The following EYS variants were observed in gnomAD, a reference collection of about 807,000 sequenced individuals.
EYS encodes protein eyes shut homolog.
In EYS, 250 loss-of-function variants were observed where a neutral mutation model predicts 282.1. The observed-to-expected ratio is 0.89, with a 90% confidence interval of 0.80 to 0.98. EYS has a LOEUF of 0.98. Among genes scored for constraint, EYS ranks in the 50% least tolerant of loss-of-function variants. The probability of loss-of-function intolerance (pLI) is 0.00; values close to 1 mark genes in which losing one functional copy is unlikely to be tolerated. For synonymous variants in EYS, 1,355 were observed against 1,282.9 expected (o/e 1.06, Z -1.20); for missense variants, 4,016 against 3,709.0 (o/e 1.08, Z -2.15).
chr6:64,182,611 A>G (rs528294065), intron 31 of EYS, among the ~76,000 whole-genome samples: 1 of 152,262 alleles, frequency 6.6e-6, no homozygotes, highest in Non-Finnish European at 1.5e-5. Flanking sequence ...TACCTCAGTA[A>G]TCCACTACCA....
chr6:65,419,900 C>G (rs534231305), intron 5 of EYS, among the ~76,000 whole-genome samples: 5 of 151,898 alleles, frequency 3.3e-5, no homozygotes, highest in Non-Finnish European at 7.4e-5. Context: ...TATGTTTACA[C>G]TATATTATAA....
chr6:64,659,824 C>A (rs10944675), intron 22 of EYS, among the ~76,000 whole-genome samples: 97,145 of 151,814 alleles, frequency 0.64, 31,313 homozygotes, highest in African/African-American at 0.71. Context: ...GGAGCTGGTA[C>A]CATTCCTTCC....
At position 64,107,287 on chromosome 6, in the gene EYS, A is replaced by T. The variant is rs1243206864; in HGVS notation, c.6425-25285T>A. Among the ~76,000 whole-genome samples the T allele has an allele frequency of 2.1e-3, 124 of 59,636 alleles. 1 individual carries two copies. Among genetic ancestry groups the T allele is most frequent in the South Asian group, 0.015 (23 of 1,512 alleles). The allele number at this position is 59,636 out of a possible 152,430, so 39.1% of individuals were successfully genotyped here. On this transcript the variant is annotated intron_variant, in intron 31 of 42. Coordinates refer to ENST00000503581, the MANE Select transcript of EYS (RefSeq NM_001142800.2). ...TGTGTGTGTGTATATATATATATTT[A>T]TATATATATATATATATATATATAT...
chr6:65,613,189 C>T (rs544606159), intron 2 of EYS, among the ~76,000 whole-genome samples: 2 of 151,862 alleles, frequency 1.3e-5, no homozygotes, highest in African/African-American at 4.8e-5. Flanking sequence ...TGCAAAATCA[C>T]ATTATTTAGT....
intron 31 of EYS, among the ~76,000 whole-genome samples, chr6:64,209,291 G>T (rs1765695150): frequency 6.6e-6 from 1 of 152,050 alleles, no homozygotes; most frequent in Non-Finnish European, 1.5e-5. Flanking sequence ...ATAGCACAAG[G>T]TTAATATTTC....
In EYS at chr6:64,470,214, C is replaced by T. The variant is rs191791868; in HGVS notation, c.5645-30862G>A. ...TCTTTGTCTTGTGTCTTTATTTCTA[C>T]GCTCTCTTGTCTCCACACACAGCGA... On this transcript the variant is annotated intron_variant, in intron 26 of 42. Transcript: ENST00000503581. 5.5e-4 allele frequency among the ~76,000 whole-genome samples: 84 copies of T among 152,246 alleles called. 1 individual carries two copies. The highest frequency in any genetic ancestry group is 1.8e-3 in the African/African-American group (73 of 41,540).
intron 22 of EYS, among the ~76,000 whole-genome samples, chr6:64,664,237 G>A (rs1291173671): frequency 2.0e-5 from 3 of 152,160 alleles, no homozygotes; most frequent in African/African-American, 7.2e-5. Context: ...TAATGGCTGG[G>A]GTTTATATCC....
chr6:65,216,395 TAA>T (rs1308724811), intron 12 of EYS, among the ~76,000 whole-genome samples: 3 of 152,012 alleles, frequency 2.0e-5, no homozygotes, highest in African/African-American at 7.2e-5. Context: ...GAAATATGAA[TAA>T]GTTTATAATC....
chr6:63,961,886 T>C (rs1414575577), intron 35 of EYS, among the ~76,000 whole-genome samples: 1 of 152,230 alleles, frequency 6.6e-6, no homozygotes, highest in African/African-American at 2.4e-5. Flanking sequence ...GTATATTCTC[T>C]TAATTTTCTT....
chr6:64,956,942 T>G (rs916560668), intron 14 of EYS, among the ~76,000 whole-genome samples: 6 of 152,018 alleles, frequency 3.9e-5, no homozygotes, highest in African/African-American at 1.4e-4. Flanking sequence ...GGTGAAGATG[T>G]GGAGAAAAGG....
chr6:65,231,449 G>T (rs961876845), intron 12 of EYS, among the ~76,000 whole-genome samples: 1 of 151,446 alleles, frequency 6.6e-6, no homozygotes, highest in Non-Finnish European at 1.5e-5. Flanking sequence ...TTAAAAGAGA[G>T]GATTGGGGAG....
intron 31 of EYS, among the ~76,000 whole-genome samples, chr6:64,156,984 G>A (rs945827289): frequency 3.3e-5 from 5 of 151,348 alleles, no homozygotes; most frequent in South Asian, 2.1e-4. Context: ...ATGCTGGTGC[G>A]CTGCACCCAC....
intron 42 of EYS, among the ~76,000 whole-genome samples, chr6:63,724,126 A>G (rs1368304281): frequency 1.3e-5 from 2 of 152,166 alleles, no homozygotes; most frequent in African/African-American, 2.4e-5. Flanking sequence ...CATTAGAGTA[A>G]GAAAATGTAA....
chr6:63,856,117 C>A (rs901764089), intron 36 of EYS, among the ~76,000 whole-genome samples: 1 of 150,364 alleles, frequency 6.7e-6, no homozygotes, highest in African/African-American at 2.4e-5. Context: ...ACCAACCAAG[C>A]AGAGCCTGAT....
intron 41 of EYS, among the ~76,000 whole-genome samples, chr6:63,731,809 A>G (rs746526702): frequency 6.6e-6 from 1 of 152,178 alleles, no homozygotes; most frequent in African/African-American, 2.4e-5. Context: ...CACTTTTAGC[A>G]TCTTACAAGT....
At chr6:64,343,406 C>G (rs1415023679) in intron 29 of EYS, among the ~76,000 whole-genome samples, 1 of 152,036 alleles carries the variant, frequency 6.6e-6, no homozygotes, top group African/African-American at 2.4e-5. Flanking sequence ...AAGAAACTCA[C>G]TCAAAACTGC....
intron 11 of EYS, chr6:65,331,456 C>G: frequency 9.6e-6 from 8 of 829,444 alleles, no homozygotes; most frequent in Non-Finnish European, 1.0e-5. Context: ...GATATTGCAA[C>G]TGATATAGAG....
At chr6:65,256,643 C>A (rs1296353810) in intron 12 of EYS, among the ~76,000 whole-genome samples, 3 of 42,702 alleles carry the variant, frequency 7.0e-5, no homozygotes, top group East Asian at 8.4e-4. Flanking sequence ...TGTATATGTG[C>A]CACATTTTCT....
Position 65,165,770 on chromosome 6 carries a change from G to A in EYS, c.2024-108043C>T, listed in dbSNP as rs1471808419. On this transcript the variant is annotated intron_variant, in intron 12 of 42. Transcript: ENST00000503581. Reference sequence around the variant, plus strand: ...AAAGTAAGACAACTTATTTGGAAAGGGACATTAAAACTATCTCTATGGCAT... The same window carrying A: ...AAAGTAAGACAACTTATTTGGAAAGAGACATTAAAACTATCTCTATGGCAT... Among the ~76,000 whole-genome samples the A allele has an allele frequency of 4.0e-5, 6 of 150,998 alleles. No homozygotes were observed. The South Asian group carries it at 6.2e-4, about 16-fold the overall frequency.
Sources: allele counts gnomAD v4.1 joint callset (sites outside exome capture counted in the v4.1 genomes callset), GRCh38; gene constraint gnomAD v4.1.1; transcripts MANE v1.5; gene names NCBI Gene and HGNC (gene_info 2026-07-23, HGNC 2026-07-21).